The following DCAF5 variants were observed in gnomAD, a reference collection of about 807,000 sequenced individuals.
DCAF5 encodes DDB1 and CUL4 associated factor 5.
In DCAF5, 9 loss-of-function variants were observed where a neutral mutation model predicts 80.7. That is an observed-to-expected ratio of 0.11 (90% confidence interval 0.07 to 0.19). The LOEUF (loss-of-function observed/expected upper bound fraction) is 0.19. DCAF5 is among the 10% of genes least tolerant of loss of function. The pLI, the probability that DCAF5 is intolerant of heterozygous loss-of-function variation, is 1.00. For missense variants in DCAF5, 842 were observed against 1,205.7 expected (o/e 0.70, Z 4.47); for synonymous variants, 433 against 461.9 (o/e 0.94, Z 0.80).
At chr14:69,076,337 C>T (rs187115253) in intron 6 of DCAF5, among the ~76,000 whole-genome samples, 2 of 152,234 alleles carry the variant, frequency 1.3e-5, no homozygotes, top group Non-Finnish European at 2.9e-5. Context: ...TATCTGTATA[C>T]CCATTTTCAT....
intron 5 of DCAF5, among the ~76,000 whole-genome samples, chr14:69,098,618 T>C (rs2139993668): frequency 6.6e-6 from 1 of 151,162 alleles, no homozygotes; most frequent in East Asian, 2.0e-4. Context: ...GCACGGCGGC[T>C]CACGCCTGTA....
At chr14:69,119,508 G>A (rs1271276814) in intron 2 of DCAF5, among the ~76,000 whole-genome samples, 1 of 151,336 alleles carries the variant, frequency 6.6e-6, no homozygotes, top group Non-Finnish European at 1.5e-5. Context: ...AAAAACAACT[G>A]TGGCTACAAC....
chr14:69,074,668 T>A (rs971238105), intron 7 of DCAF5, among the ~76,000 whole-genome samples: 1 of 152,102 alleles, frequency 6.6e-6, no homozygotes, highest in African/African-American at 2.4e-5. Context: ...CCCTACCAAC[T>A]GTTTGTAGAA....
chr14:69,101,657 A>T lies in DCAF5; in HGVS notation c.666-9770T>A, dbSNP rs149386277. 2.5e-4 allele frequency among the ~76,000 whole-genome samples: 38 copies of T among 152,360 alleles called. 1 individual carries two copies. The East Asian group carries it at 7.1e-3, about 29-fold the overall frequency. ...AATATGTTCTACGAAATGTGTTGTT[A>T]GGCAATTTTGTTGTGTAAACATTAT... On this transcript the variant is annotated intron_variant, in intron 5 of 8. Transcript: ENST00000341516.
intron 6 of DCAF5, chr14:69,085,412 G>T: frequency 3.9e-6 from 2 of 518,232 alleles, no homozygotes; most frequent in South Asian, 1.8e-5. Flanking sequence ...CTTTCATCTT[G>T]AATAACTTTG....
chr14:69,073,443 C>T (rs1356439648), intron 7 of DCAF5, among the ~76,000 whole-genome samples: 3 of 151,974 alleles, frequency 2.0e-5, no homozygotes, highest in Non-Finnish European at 2.9e-5. Flanking sequence ...TGTGATACTT[C>T]GTTATTGCAG....
At chr14:69,090,043 C>A in intron 6 of DCAF5, 1 of 985,380 alleles carries the variant, frequency 1.0e-6, no homozygotes, top group South Asian at 4.7e-5. Flanking sequence ...TTTCCCTCAG[C>A]CTCTGGTTTC....
At chr14:69,097,746 C>T (rs1456711857) in intron 5 of DCAF5, among the ~76,000 whole-genome samples, 1 of 151,968 alleles carries the variant, frequency 6.6e-6, no homozygotes, top group African/African-American at 2.4e-5. Context: ...ACCACTATGC[C>T]TGGCTAATTT....
chr14:69,143,381 C>G (rs1237793414), intron 1 of DCAF5, among the ~76,000 whole-genome samples: 2 of 152,082 alleles, frequency 1.3e-5, no homozygotes, highest in Non-Finnish European at 1.5e-5. Context: ...TCATAAGTTA[C>G]CTAACTTCTG....
At chr14:69,148,266 C>T (rs1170097184) in intron 1 of DCAF5, among the ~76,000 whole-genome samples, 1 of 152,166 alleles carries the variant, frequency 6.6e-6, no homozygotes, top group Non-Finnish European at 1.5e-5. Flanking sequence ...ACTACTGTAA[C>T]CTCATTGATG....
chr14:69,105,941 A>ATATATATATATATATATATATATG, intron 5 of DCAF5, among the ~76,000 whole-genome samples: 1 of 102,566 alleles, frequency 9.7e-6, no homozygotes, highest in Admixed American at 1.0e-4. Context: ...ATATATATAT[A>ATATATATATATATATATATATATG]TATATCTCCT....
chr14:69,136,113 CTTT>C (rs35359938), intron 1 of DCAF5, among the ~76,000 whole-genome samples: 6 of 125,302 alleles, frequency 4.8e-5, no homozygotes, highest in Admixed American at 8.9e-5. Flanking sequence ...ATGTGTAAAA[CTTT>C]TTTTTTTTTT....
At chr14:69,121,935 CTGTGTGTG>C (rs747442027) in intron 2 of DCAF5, among the ~76,000 whole-genome samples, 1 of 152,024 alleles carries the variant, frequency 6.6e-6, no homozygotes, top group Non-Finnish European at 1.5e-5. Context: ...GTGTGTGTGT[CTGTGTGTG>C]TTTCTGTGTA....
chr14:69,098,907 A>G (rs2039843809), intron 5 of DCAF5, among the ~76,000 whole-genome samples: 1 of 149,826 alleles, frequency 6.7e-6, no homozygotes, highest in African/African-American at 2.4e-5. Flanking sequence ...AAAAAAAAAA[A>G]AAAAAAAAGA....
chr14:69,074,591 C>A (rs2038828840), intron 7 of DCAF5, among the ~76,000 whole-genome samples: 2 of 152,256 alleles, frequency 1.3e-5, no homozygotes, highest in Admixed American at 1.3e-4. Context: ...AGGGAACATA[C>A]CTGTCCATCA....
intron 6 of DCAF5, among the ~76,000 whole-genome samples, chr14:69,086,769 T>C (rs1422883950): frequency 6.6e-6 from 1 of 152,172 alleles, no homozygotes; most frequent in Non-Finnish European, 1.5e-5. Flanking sequence ...GGGAGGCCAT[T>C]TATCCAAGGC....
At chr14:69,057,739 ACTCCTAGTTAGTGGGTGATGCGCAG>A (rs1436912844) in intron 8 of DCAF5, among the ~76,000 whole-genome samples, 2 of 152,090 alleles carry the variant, frequency 1.3e-5, no homozygotes, top group Non-Finnish European at 2.9e-5. Context: ...GTTCCCACTG[ACTCCTAGTTAGTGGGTGATGCGCAG>A]CTCCTTCCTC....
At chr14:69,102,950 TTTG>T (rs1298693336) in intron 5 of DCAF5, among the ~76,000 whole-genome samples, 7 of 152,200 alleles carry the variant, frequency 4.6e-5, no homozygotes, top group Non-Finnish European at 8.8e-5. Context: ...GCACAGTATG[TTTG>T]TTTACACCAA....
intron 5 of DCAF5, among the ~76,000 whole-genome samples, chr14:69,094,402 C>T (rs2039631874): frequency 6.6e-6 from 1 of 152,176 alleles, no homozygotes; most frequent in Non-Finnish European, 1.5e-5. Flanking sequence ...AGGATAGTAA[C>T]TAACTTTTCT....
Sources: allele counts gnomAD v4.1 joint callset (sites outside exome capture counted in the v4.1 genomes callset), GRCh38; gene constraint gnomAD v4.1.1; transcripts MANE v1.5; gene names NCBI Gene and HGNC (gene_info 2026-07-23, HGNC 2026-07-21).